SIL1: variants seen among roughly 807,000 people sequenced by gnomAD.
The protein encoded by SIL1 is nucleotide exchange factor SIL1.
SIL1 carries 40 observed loss-of-function variants against 49.1 expected under a neutral mutation model. The observed-to-expected ratio is 0.81, with a 90% CI of 0.63 to 1.06. The LOEUF is 1.06. Ranked by LOEUF, SIL1 falls within the 50% of genes least tolerant of loss-of-function variation. SIL1 has a pLI of 0.00. For missense variants in SIL1, 500 were observed against 572.6 expected (o/e 0.87, Z 1.29); for synonymous variants, 253 against 250.8 (o/e 1.01, Z -0.08).
chr5:138,993,255 T>C (rs909700917), intron 7 of SIL1, among the ~76,000 whole-genome samples: 2 of 152,168 alleles, frequency 1.3e-5, no homozygotes, highest in African/African-American at 2.4e-5. Flanking sequence ...TCTTGCCATC[T>C]GGGATGATGA....
intron 1 of SIL1, among the ~76,000 whole-genome samples, chr5:139,153,859 C>T (rs762572415): frequency 6.6e-5 from 10 of 152,314 alleles, no homozygotes; most frequent in Non-Finnish European, 1.2e-4. Context: ...GCTCCTCTTT[C>T]CACAGTACCC....
In SIL1 at chr5:138,950,525, C is replaced by T. The variant is rs143448109; in HGVS notation, c.1029+646G>A. 4.4e-3 allele frequency among the ~76,000 whole-genome samples: 673 copies of T among 152,340 alleles called. 4 individuals carry two copies. Among genetic ancestry groups the T allele is most frequent in the African/African-American group, 0.016 (651 of 41,586 alleles). On this transcript the variant is annotated intron_variant, in intron 9 of 9. Transcript: ENST00000394817. ...CAGCCCTGCTCCACTAGTCGGCATG[C>T]GGCTCTTCTGGGGAGCGTGTGGCCC...
At chr5:139,170,860 CG>C (rs1561889232) in intron 1 of SIL1, among the ~76,000 whole-genome samples, 1 of 142,344 alleles carries the variant, frequency 7.0e-6, no homozygotes, top group Non-Finnish European at 1.5e-5. Flanking sequence ...CCGCCCCGTC[CG>C]GGAGGTGAGG....
At chr5:138,958,527 T>C (rs2150382959) in intron 7 of SIL1, among the ~76,000 whole-genome samples, 1 of 152,300 alleles carries the variant, frequency 6.6e-6, no homozygotes, top group Non-Finnish European at 1.5e-5. Context: ...GTTTTGGCAA[T>C]CATTGACAAT....
intron 7 of SIL1, chr5:139,012,609 C>T (rs1768305864): frequency 6.6e-6 from 1 of 152,130 alleles, no homozygotes; most frequent in Non-Finnish European, 1.5e-5. Context: ...TTTAAATGTT[C>T]CCAATTATGT....
intron 1 of SIL1, among the ~76,000 whole-genome samples, chr5:139,174,937 C>CAAAAAAAAAAAAAAAAAAAAAAAAA (rs56959325): frequency 1.7e-4 from 10 of 59,840 alleles, no homozygotes; most frequent in Non-Finnish European, 2.6e-4. Flanking sequence ...GACTGTGTCT[C>CAAAAAAAAAAAAAAAAAAAAAAAAA]AAAAAAAAAA....
intron 3 of SIL1, among the ~76,000 whole-genome samples, chr5:139,053,693 G>C (rs1769341354): frequency 1.3e-5 from 2 of 152,048 alleles, no homozygotes; most frequent in Non-Finnish European, 2.9e-5. Flanking sequence ...CTCCTACCAG[G>C]GGGCCATTCC....
At chr5:139,075,281 G>A (rs1769924946) in intron 3 of SIL1, among the ~76,000 whole-genome samples, 1 of 152,182 alleles carries the variant, frequency 6.6e-6, no homozygotes, top group East Asian at 1.9e-4. Context: ...CTGCCTGGAG[G>A]CAGATGGATG....
At chr5:139,087,373 A>G (rs925158308) in intron 3 of SIL1, among the ~76,000 whole-genome samples, 6 of 152,098 alleles carry the variant, frequency 3.9e-5, no homozygotes, top group African/African-American at 1.4e-4. Context: ...TGTGGGGAAG[A>G]GTGAGGCCAC....
At chr5:139,010,341 G>A (rs1768224882) in intron 7 of SIL1, among the ~76,000 whole-genome samples, 1 of 148,814 alleles carries the variant, frequency 6.7e-6, no homozygotes, top group African/African-American at 2.5e-5. Flanking sequence ...TCTCTGTATT[G>A]GTTATTCTAG....
chr5:139,182,195 C>T (rs80299500), intron 1 of SIL1, among the ~76,000 whole-genome samples: 4 of 152,142 alleles, frequency 2.6e-5, no homozygotes, highest in Admixed American at 2.0e-4. Context: ...AGCAGGCAAG[C>T]CAGCAGGCAA....
intron 7 of SIL1, among the ~76,000 whole-genome samples, chr5:139,020,817 C>T (rs373636636): frequency 6.6e-6 from 1 of 152,180 alleles, no homozygotes; most frequent in Non-Finnish European, 1.5e-5. Context: ...ATCATTTATT[C>T]GTCACTAGAT....
intron 3 of SIL1, among the ~76,000 whole-genome samples, chr5:139,070,055 T>C (rs373554458): frequency 6.6e-6 from 1 of 152,122 alleles, no homozygotes; most frequent in African/African-American, 2.4e-5. Context: ...GTTATTTGTA[T>C]AAATGCCTTA....
At chr5:139,113,325 A>T (rs35922796) in intron 3 of SIL1, among the ~76,000 whole-genome samples, 68,389 of 150,884 alleles carry the variant, frequency 0.45, 15,899 homozygotes, top group African/African-American at 0.54. Context: ...ATAAATAAAT[A>T]AATTTAAAAA....
intron 7 of SIL1, among the ~76,000 whole-genome samples, chr5:139,008,743 T>C (rs1428297557): frequency 1.3e-5 from 2 of 151,524 alleles, no homozygotes; most frequent in Non-Finnish European, 2.9e-5. Flanking sequence ...CAGGAGCAGG[T>C]TGTTCAGCTT....
At chr5:139,157,998 G>T (rs1263026803) in intron 1 of SIL1, among the ~76,000 whole-genome samples, 1 of 152,148 alleles carries the variant, frequency 6.6e-6, no homozygotes, top group African/African-American at 2.4e-5. Flanking sequence ...GGTTCAATCT[G>T]ATTTTTCGTC....
intron 5 of SIL1, among the ~76,000 whole-genome samples, chr5:139,037,523 AT>A (rs1287540093): frequency 6.6e-6 from 1 of 151,714 alleles, no homozygotes; most frequent in South Asian, 2.1e-4. Flanking sequence ...AAGCTCTGTT[AT>A]TTTTTTTCTC....
At chr5:138,957,119 T>C (rs1766920052) in intron 7 of SIL1, among the ~76,000 whole-genome samples, 1 of 151,784 alleles carries the variant, frequency 6.6e-6, no homozygotes, top group Non-Finnish European at 1.5e-5. Flanking sequence ...ACAGACACAA[T>C]CATCTGCCCA....
intron 1 of SIL1, among the ~76,000 whole-genome samples, chr5:139,193,547 G>A (rs1017793730): frequency 4.6e-5 from 7 of 152,070 alleles, no homozygotes; most frequent in Non-Finnish European, 1.0e-4. Context: ...CAGCCTGGGC[G>A]ACAGAGTGAG....
Sources: allele counts gnomAD v4.1 joint callset (sites outside exome capture counted in the v4.1 genomes callset), GRCh38; gene constraint gnomAD v4.1.1; transcripts MANE v1.5; gene names NCBI Gene and HGNC (gene_info 2026-07-23, HGNC 2026-07-21).